The following ARRDC5 variants were observed in gnomAD, a reference collection of about 807,000 sequenced individuals.
ARRDC5 encodes arrestin domain containing 5, also known as arrestin domain-containing protein 5.
Under a neutral mutation model 13.3 loss-of-function variants are expected in ARRDC5, and 12 were observed. That is an observed-to-expected ratio of 0.90 (90% CI 0.58 to 1.46). The LOEUF is 1.46. Ranked by LOEUF, ARRDC5 falls within the 40% of genes most tolerant of loss-of-function variation. The probability of loss-of-function intolerance (pLI) is 0.00; values close to 1 mark genes in which losing one functional copy is unlikely to be tolerated. For missense variants in ARRDC5, 406 were observed against 418.7 expected (o/e 0.97, Z 0.26); for synonymous variants, 181 against 173.4 (o/e 1.04, Z -0.34).
the ARRDC5 span, among the ~76,000 whole-genome samples, chr19:4,914,068 C>A: frequency 6.6e-6 from 1 of 152,074 alleles, no homozygotes; most frequent in Non-Finnish European, 1.5e-5. Flanking sequence ...ACACCCCCCT[C>A]CCCCACCTTG....
Position 4,902,747 on chromosome 19 carries a change from C to A in ARRDC5, c.79G>T (p.Val27Leu). Residue 27 changes from valine (V) to leucine (L), a missense_variant, in exon 1 of 3, where the codon GTG (valine) becomes TTG (leucine). Physicochemically the swap from Val to Leu is conservative, Grantham distance 32 (BLOSUM62 1). Coordinates refer to ENST00000650722, the MANE Select transcript of ARRDC5 (RefSeq NM_001080523.3). ...YLAGSSIKGQ[V>L]ILTLNSTLVD... ...AGGGTGCTGTTCAGGGTTAAGATCA[C>A]CTGCCCTTTTATGCTGGAGCCAGCC... The A allele has an allele frequency of 1.9e-6, 3 of 1,614,042 alleles. No homozygotes were observed. Among genetic ancestry groups the A allele is most frequent in the Non-Finnish European group, 2.5e-6 (3 of 1,179,908 alleles).
At chr19:4,912,188 TG>T in the ARRDC5 span, among the ~76,000 whole-genome samples, 1 of 152,116 alleles carries the variant, frequency 6.6e-6, no homozygotes, top group Non-Finnish European at 1.5e-5. Flanking sequence ...CTGGAGAACT[TG>T]GGGAGTTGAC....
At chr19:4,906,275 A>T (rs951619753), upstream of ARRDC5, among the ~76,000 whole-genome samples, 2 of 152,154 alleles carry the variant, frequency 1.3e-5, no homozygotes, top group Non-Finnish European at 2.9e-5. Context: ...CACTGCACCC[A>T]GCTGGACAAT....
chr19:4,908,433 A>G, the ARRDC5 span, among the ~76,000 whole-genome samples: 1 of 152,064 alleles, frequency 6.6e-6, no homozygotes, highest in Non-Finnish European at 1.5e-5. Flanking sequence ...GTGGCCTTCA[A>G]GGTATTATAT....
At chr19:4,907,521 C>T (rs749438429), upstream of ARRDC5, among the ~76,000 whole-genome samples, 3 of 152,046 alleles carry the variant, frequency 2.0e-5, no homozygotes, top group African/African-American at 4.8e-5. Context: ...CTGCCTGCCT[C>T]GGCCTCCCAA....
the ARRDC5 span, among the ~76,000 whole-genome samples, chr19:4,915,433 G>A: frequency 1.8e-3 from 269 of 152,342 alleles, no homozygotes; most frequent in African/African-American, 6.2e-3. Context: ...AACAGGTATG[G>A]CGGGGCCCAG....
rs771484486 is a variant in ARRDC5 at position 4,890,822 on chromosome 19, G to A, written c.*224C>T. On this transcript the variant is annotated 3_prime_UTR_variant, in exon 3 of 3. Transcript: ENST00000650722. Reference sequence around the variant, plus strand: ...CAGGGTGGAAAAGGCAGGTTATGCCGGGTTTGGGTCCTGGGAGACCTTCCC... The same window carrying A: ...CAGGGTGGAAAAGGCAGGTTATGCCAGGTTTGGGTCCTGGGAGACCTTCCC... The A allele has an allele frequency of 2.3e-5, 12 of 519,160 alleles. No individual in the cohort carries two copies. The highest frequency in any genetic ancestry group is 3.8e-5 in the African/African-American group (2 of 52,326). 32.2% of individuals were successfully genotyped at this position (519,160 alleles called of 1,614,324 possible). A position where few individuals can be genotyped will look rare whatever the true frequency, so the allele number is the denominator to read the frequency against.
chr19:4,895,422 CAAAAAAAAAAA>C (rs1039157516), intron 2 of ARRDC5, among the ~76,000 whole-genome samples: 1 of 70,712 alleles, frequency 1.4e-5, no homozygotes, highest in African/African-American at 4.8e-5. Context: ...GACTCCGTCT[CAAAAAAAAAAA>C]AAAAAAAAAA....
chr19:4,916,660 T>C, the ARRDC5 span, among the ~76,000 whole-genome samples: 5 of 148,880 alleles, frequency 3.4e-5, no homozygotes, highest in South Asian at 1.0e-3. Context: ...CCCCCTCTTG[T>C]GGGTTCTGTC....
the ARRDC5 span, among the ~76,000 whole-genome samples, chr19:4,915,436 G>A: frequency 6.6e-6 from 1 of 152,190 alleles, no homozygotes; most frequent in Non-Finnish European, 1.5e-5. Context: ...AGGTATGGCG[G>A]GGCCCAGTGG....
the ARRDC5 span, among the ~76,000 whole-genome samples, chr19:4,911,944 T>C: frequency 3.3e-5 from 5 of 152,284 alleles, no homozygotes; most frequent in East Asian, 9.7e-4. Flanking sequence ...TGTTGGATTT[T>C]GAACCGGGTA....
chr19:4,915,338 C>T, the ARRDC5 span, among the ~76,000 whole-genome samples: 1 of 152,202 alleles, frequency 6.6e-6, no homozygotes, highest in South Asian at 2.1e-4. Flanking sequence ...GGTGACTCAC[C>T]ACTGCTGTTG....
At chr19:4,911,183 C>A in the ARRDC5 span, 1 of 757,556 alleles carries the variant, frequency 1.3e-6, no homozygotes, top group Non-Finnish European at 2.0e-6. Flanking sequence ...GAGAAGTCCA[C>A]AGAAACCTCA....
rs2031766091 is a variant in ARRDC5 at position 4,897,186 on chromosome 19, G to A, written c.254-310C>T. Among the ~76,000 whole-genome samples, 3 of 152,082 alleles carry A rather than the reference G, an allele frequency of 2.0e-5. 1 individual carries two copies. The South Asian group carries it at 6.2e-4, about 32-fold the overall frequency. On this transcript the variant is annotated intron_variant, in intron 1 of 2. Coordinates refer to ENST00000650722, the MANE Select transcript of ARRDC5 (RefSeq NM_001080523.3). ...TGTCCATCCTGGTCTTGAACTCCTG[G>A]CCTCCGGCGATCCGCCCGTCTTGCC...
chr19:4,903,868 G>C (rs1440639405), upstream of ARRDC5, among the ~76,000 whole-genome samples: 1 of 152,176 alleles, frequency 6.6e-6, no homozygotes, highest in African/African-American at 2.4e-5. Context: ...AAAAAACATA[G>C]AGATATGGCC....
chr19:4,912,211 C>T, the ARRDC5 span, among the ~76,000 whole-genome samples: 2 of 152,176 alleles, frequency 1.3e-5, no homozygotes, highest in East Asian at 1.9e-4. Context: ...GTGCAAGCCG[C>T]GTGTGTGCAG....
At chr19:4,907,982 G>C in the ARRDC5 span, among the ~76,000 whole-genome samples, 3 of 152,112 alleles carry the variant, frequency 2.0e-5, no homozygotes, top group Non-Finnish European at 2.9e-5. Context: ...AAAGTGCTGG[G>C]ATTACAGGTG....
chr19:4,909,516 G>A, the ARRDC5 span: 2 of 657,414 alleles, frequency 3.0e-6, no homozygotes, highest in African/African-American at 1.9e-5. Context: ...AGCTGGCAGC[G>A]CGGCGGGCAG....
chr19:4,905,175 G>T (rs2032040781), upstream of ARRDC5, among the ~76,000 whole-genome samples: 2 of 143,388 alleles, frequency 1.4e-5, no homozygotes, highest in Non-Finnish European at 3.0e-5. Flanking sequence ...GGAGTGCAGT[G>T]GTGTGATCTC....
Sources: gnomAD v4.1 joint callset for allele counts (sites outside exome capture counted in the v4.1 genomes callset) on GRCh38, gnomAD v4.1.1 for gene constraint, MANE v1.5 for transcripts, NCBI Gene and HGNC (gene_info 2026-07-23, HGNC 2026-07-21) for gene names.